The following DIP2C variants were observed in gnomAD, a reference collection of about 807,000 sequenced individuals.
DIP2C encodes DIP2 acetate--CoA ligase C (putative).
DIP2C carries 33 observed loss-of-function variants against 192.4 expected under a neutral mutation model. The observed-to-expected ratio is 0.17, with a 90% confidence interval of 0.13 to 0.23. DIP2C has a LOEUF of 0.23. Among genes scored for constraint, DIP2C ranks in the 10% least tolerant of loss-of-function variants. The probability of loss-of-function intolerance (pLI) is 1.00; values close to 1 mark genes in which losing one functional copy is unlikely to be tolerated. For missense variants in DIP2C, 1,537 were observed against 2,110.1 expected, an observed-to-expected ratio of 0.73 and a Z score of 5.32; for synonymous variants, 979 against 864.1, an observed-to-expected ratio of 1.13 and a Z score of -2.33.
At chr10:565,147 G>GT (rs1182409191) in intron 1 of DIP2C, among the ~76,000 whole-genome samples, 1 of 152,106 alleles carries the variant, frequency 6.6e-6, no homozygotes, top group East Asian at 1.9e-4. Context: ...CCCCTAGTCA[G>GT]TATCAGGGCC....
chr10:486,861 G>A (rs1050138906), intron 1 of DIP2C, among the ~76,000 whole-genome samples: 6 of 152,316 alleles, frequency 3.9e-5, no homozygotes, highest in East Asian at 1.9e-4. Context: ...CGGGGCTCTC[G>A]TTAACTCAGT....
At chr10:418,022 C>A (rs1392824239) in intron 6 of DIP2C, among the ~76,000 whole-genome samples, 3 of 70,680 alleles carry the variant, frequency 4.2e-5, no homozygotes, top group Admixed American at 1.2e-4. Context: ...GCGGACAGGC[C>A]TCCCTGTCCA....
At chr10:614,576 C>T (rs935982189) in intron 1 of DIP2C, among the ~76,000 whole-genome samples, 1 of 152,240 alleles carries the variant, frequency 6.6e-6, no homozygotes, top group Non-Finnish European at 1.5e-5. Flanking sequence ...GAACTGGAAA[C>T]GTCCCAATCT....
chr10:576,131 G>T (rs975337411), intron 1 of DIP2C, among the ~76,000 whole-genome samples: 2 of 152,160 alleles, frequency 1.3e-5, no homozygotes, highest in African/African-American at 4.8e-5. Flanking sequence ...ATCTAACTAC[G>T]CTGTCGGATT....
chr10:431,978 T>A (rs559897227), intron 4 of DIP2C, among the ~76,000 whole-genome samples: 1 of 152,348 alleles, frequency 6.6e-6, no homozygotes, highest in Non-Finnish European at 1.5e-5. Flanking sequence ...GTCAAATTCT[T>A]TTCCTTTTTC....
intron 3 of DIP2C, among the ~76,000 whole-genome samples, chr10:470,471 T>TA (rs933010077): frequency 1.3e-5 from 2 of 151,992 alleles, no homozygotes; most frequent in African/African-American, 4.8e-5. Flanking sequence ...AGAGGTGAGG[T>TA]AAGGTGCACG....
chr10:357,256 G>C (rs1037373928), intron 23 of DIP2C, among the ~76,000 whole-genome samples: 2 of 152,208 alleles, frequency 1.3e-5, no homozygotes, highest in Admixed American at 6.5e-5. Context: ...TCTGGGCCTC[G>C]GGAGTTTCTC....
At position 493,554 on chromosome 10, in the gene DIP2C, C is replaced by G. The variant is rs550660127; in HGVS notation, c.86-7024G>C. On this transcript the variant is annotated intron_variant, in intron 1 of 36. Transcript: ENST00000280886. ...GTAGAAGAATACCCAGCATGGCCCG[C>G]CGCCTGCTGTGGGCTCTTCTCAGAT... 2.6e-3 allele frequency among the ~76,000 whole-genome samples: 398 copies of G among 152,314 alleles called. 1 individual carries two copies. The highest frequency in any genetic ancestry group is 9.0e-3 in the African/African-American group (372 of 41,560).
intron 1 of DIP2C, among the ~76,000 whole-genome samples, chr10:612,394 T>C (rs1853155964): frequency 6.6e-6 from 1 of 152,184 alleles, no homozygotes. Context: ...CATTTCAATG[T>C]TGAATTTAAC....
intron 29 of DIP2C, among the ~76,000 whole-genome samples, chr10:331,054 ACTC>A (rs1957484815): frequency 1.4e-5 from 2 of 141,644 alleles, no homozygotes; most frequent in African/African-American, 2.7e-5. Context: ...GGCTTCAAGT[ACTC>A]CTCCTATCTT....
intron 1 of DIP2C, among the ~76,000 whole-genome samples, chr10:528,646 C>T (rs1847198895): frequency 6.6e-6 from 1 of 152,188 alleles, no homozygotes; most frequent in African/African-American, 2.4e-5. Context: ...GGACTCTCTG[C>T]CGACTCCCAG....
chr10:573,562 C>G (rs1455983478), intron 1 of DIP2C, among the ~76,000 whole-genome samples: 2 of 152,012 alleles, frequency 1.3e-5, no homozygotes, highest in African/African-American at 4.8e-5. Context: ...GTGTGCAACC[C>G]TCACACCCAG....
intron 29 of DIP2C, among the ~76,000 whole-genome samples, chr10:331,155 G>A (rs1426802696): frequency 1.3e-5 from 2 of 151,992 alleles, no homozygotes; most frequent in South Asian, 2.1e-4. Context: ...TATGATTAAC[G>A]AGTTAGGCCT....
chr10:410,137 CCTTAG>C (rs1267568123), intron 8 of DIP2C, among the ~76,000 whole-genome samples: 1 of 152,146 alleles, frequency 6.6e-6, no homozygotes, highest in East Asian at 1.9e-4. Flanking sequence ...AATGAGAGTT[CCTTAG>C]ATTAGTGTTA....
chr10:648,689 G>A (rs572326808), intron 1 of DIP2C, among the ~76,000 whole-genome samples: 12 of 148,200 alleles, frequency 8.1e-5, no homozygotes, highest in East Asian at 6.2e-4. Flanking sequence ...CTGAGTCCAC[G>A]TCCACATTGG....
intron 31 of DIP2C, among the ~76,000 whole-genome samples, chr10:316,645 C>T (rs1389863159): frequency 6.6e-6 from 1 of 152,172 alleles, no homozygotes; most frequent in East Asian, 1.9e-4. Context: ...GCTGGGTGAT[C>T]CAGGCCACCC....
At chr10:390,195 A>G in intron 12 of DIP2C, 69 bp downstream of exon 12, 1 of 1,592,128 alleles carries the variant, frequency 6.3e-7, no homozygotes, top group Non-Finnish European at 8.6e-7. Flanking sequence ...CACTCGTGTA[A>G]CCGTCAGAAA....
chr10:451,615 C>G (rs948389802), intron 3 of DIP2C, among the ~76,000 whole-genome samples: 13 of 152,182 alleles, frequency 8.5e-5, no homozygotes, highest in Non-Finnish European at 1.8e-4. Context: ...ATTGAAAGAA[C>G]TACATCAAAA....
At chr10:608,017 G>A (rs1473284124) in intron 1 of DIP2C, among the ~76,000 whole-genome samples, 1 of 151,452 alleles carries the variant, frequency 6.6e-6, no homozygotes, top group Non-Finnish European at 1.5e-5. Flanking sequence ...GTGCGGTCAA[G>A]TCATATGACT....
Sources: gnomAD v4.1 joint callset for allele counts (sites outside exome capture counted in the v4.1 genomes callset) on GRCh38, gnomAD v4.1.1 for gene constraint, MANE v1.5 for transcripts, NCBI Gene and HGNC (gene_info 2026-07-23, HGNC 2026-07-21) for gene names.